SLC28A2: variants seen among roughly 807,000 people sequenced by gnomAD.
SLC28A2 encodes the protein solute carrier family 28 member 2, also known as sodium/nucleoside cotransporter 2.
A neutral mutation model predicts 72.9 loss-of-function variants in SLC28A2; 69 were observed. The observed-to-expected ratio is 0.95, with a 90% CI of 0.78 to 1.16. SLC28A2 has a LOEUF of 1.16. Ranked by LOEUF, SLC28A2 falls within the 50% of genes most tolerant of loss-of-function variation. SLC28A2 has a pLI of 0.00. For synonymous variants in SLC28A2, 296 were observed against 294.1 expected (o/e 1.01, Z -0.07); for missense variants, 745 against 791.1 (o/e 0.94, Z 0.70).
rs376585972 is a variant in SLC28A2 at position 45,272,287 on chromosome 15, G to C, written c.1649-8G>C. The C allele has an allele frequency of 1.2e-6, 2 of 1,611,570 alleles. No homozygotes were observed. Among genetic ancestry groups the C allele is most frequent in the Non-Finnish European group, 1.7e-6 (2 of 1,178,876 alleles). Reference sequence around the variant, plus strand: ...AAAGCTGAAGTTATTTTATTTTATTGTCTGCAGCATCAATAGTACCTCACC... The same window carrying C: ...AAAGCTGAAGTTATTTTATTTTATTCTCTGCAGCATCAATAGTACCTCACC... On this transcript the variant is annotated splice_region_variant and splice_polypyrimidine_tract_variant and intron_variant, in intron 15 of 17. Transcript: ENST00000347644.
intron 10 of SLC28A2, among the ~76,000 whole-genome samples, chr15:45,266,423 T>C (rs1047048454): frequency 6.6e-6 from 1 of 152,166 alleles, no homozygotes; most frequent in African/African-American, 2.4e-5. Flanking sequence ...CGTAGGAATG[T>C]AGGGAATGTC....
Position 45,275,720 on chromosome 15 carries a change from G to A in SLC28A2, c.*207G>A. The A allele has an allele frequency of 2.2e-6, 1 of 462,846 alleles. No individual in the cohort carries two copies. The highest frequency in any genetic ancestry group is 3.9e-6 in the Non-Finnish European group (1 of 257,278). The allele number at this position is 462,846 out of a possible 1,614,324, so 28.7% of individuals were successfully genotyped here. The stretch of plus-strand genomic sequence containing the variant: ...GGAGGCCGAGGCGGGCGGATCACAA[G>A]GTCAGGAGATCGAGACCATCCTGGC... On this transcript the variant is annotated 3_prime_UTR_variant, in exon 18 of 18. Transcript: ENST00000347644.
At position 45,274,747 on chromosome 15, in the gene SLC28A2, C is replaced by CT. The variant is rs775797373; in HGVS notation, c.1860-634dup. Among the ~76,000 whole-genome samples the CT allele has an allele frequency of 5.6e-3, 667 of 119,878 alleles. 3 individuals are homozygous for CT. The highest frequency in any genetic ancestry group is 0.017 in the African/African-American group (323 of 18,930). The allele number at this position is 119,878 out of a possible 152,430, so 78.6% of individuals were successfully genotyped here. On this transcript the variant is annotated intron_variant, in intron 17 of 17. Coordinates refer to ENST00000347644, the MANE Select transcript of SLC28A2 (RefSeq NM_004212.4). The stretch of plus-strand genomic sequence containing the variant: ...TTGCTCTGGCATCGTTTTGATTCTT[C>CT]TTTTTTTTTTTTTTTGAGACACAGG...
In SLC28A2 at chr15:45,269,500, G is replaced by T. The variant is rs1200608481; in HGVS notation, c.1531G>T (p.Glu511Ter). 1.9e-6 allele frequency: 3 copies of T among 1,614,178 alleles called. No homozygotes were observed. The Admixed American group carries it at 5.0e-5, about 27-fold the overall frequency. ...QYKNKRLSGM[E>*]EWIEGEKQWI... is the part of the protein sequence containing the mutation. ...CAAGAACAAACGTCTCTCTGGAATGGAGGAGTGGATTGAGGGAGAGAAACA... is the reference window on the plus strand; with the variant it reads ...CAAGAACAAACGTCTCTCTGGAATGTAGGAGTGGATTGAGGGAGAGAAACA... Residue 511 changes from glutamate to a stop codon, truncating the protein, a stop_gained, in exon 14 of 18, where the codon GAG (glutamate) becomes TAG (stop). Coordinates refer to ENST00000347644, the MANE Select transcript of SLC28A2 (RefSeq NM_004212.4). LOFTEE classifies it high-confidence loss of function.
intron 3 of SLC28A2, 32 bp downstream of exon 3, chr15:45,253,552 G>C (rs1044244772): frequency 6.6e-7 from 1 of 1,509,314 alleles, no homozygotes; most frequent in African/African-American, 1.4e-5. Flanking sequence ...GTTCAGTTAG[G>C]AAAGGATCTA....
At chr15:45,273,290 TGA>T (rs1319736852) in intron 17 of SLC28A2, among the ~76,000 whole-genome samples, 6 of 152,178 alleles carry the variant, frequency 3.9e-5, no homozygotes. Context: ...TGAAGAAAAC[TGA>T]GAGAGGATAA....
chr15:45,266,232 G>A, intron 10 of SLC28A2, 71 bp downstream of exon 10: 2 of 1,106,004 alleles, frequency 1.8e-6, no homozygotes, highest in Non-Finnish European at 1.4e-6. Flanking sequence ...ACAAGAGTAT[G>A]CTTTCCTTCT....
At chr15:45,265,468 A>G in intron 8 of SLC28A2, 115 bp from the exon 9 acceptor site, 1 of 773,430 alleles carries the variant, frequency 1.3e-6, no homozygotes, top group Non-Finnish European at 2.3e-6. Flanking sequence ...TTGTGTAGGT[A>G]CTGAATACCT....
chr15:45,274,549 T>C (rs991013876), intron 17 of SLC28A2, among the ~76,000 whole-genome samples: 15 of 152,134 alleles, frequency 9.9e-5, no homozygotes, highest in African/African-American at 3.6e-4. Context: ...AAGTGGTCTG[T>C]TCACTACATA....
intron 3 of SLC28A2, among the ~76,000 whole-genome samples, chr15:45,260,527 A>C (rs950999221): frequency 2.6e-5 from 4 of 152,150 alleles, no homozygotes; most frequent in Admixed American, 6.5e-5. Context: ...TGGAAAAATG[A>C]GGAAGGATCA....
At chr15:45,258,591 A>G (rs1900050427) in intron 3 of SLC28A2, among the ~76,000 whole-genome samples, 1 of 152,198 alleles carries the variant, frequency 6.6e-6, no homozygotes, top group Non-Finnish European at 1.5e-5. Context: ...TATACTTTAA[A>G]TGAAAATATA....
intron 8 of SLC28A2, 24 bp downstream of exon 8, chr15:45,265,190 A>C (rs531483878): frequency 1.5e-5 from 22 of 1,452,836 alleles, no homozygotes; most frequent in Non-Finnish European, 2.0e-5. Context: ...TATGGGCAGG[A>C]ATGATGGTCT....
intron 17 of SLC28A2, 23 bp from the exon 18 acceptor site, chr15:45,275,373 A>G (rs751095915): frequency 8.7e-6 from 12 of 1,384,468 alleles, no homozygotes; most frequent in Non-Finnish European, 1.1e-5. Flanking sequence ...CCCCTTATGT[A>G]CCTCTCTGGT....
intron 14 of SLC28A2, among the ~76,000 whole-genome samples, chr15:45,269,813 TG>T (rs1900489060): frequency 1.3e-5 from 2 of 152,212 alleles, no homozygotes; most frequent in African/African-American, 4.8e-5. Context: ...TCTTTACAGC[TG>T]GGGCAGTCCA....
rs1172251841 is a variant in SLC28A2 at position 45,264,014 on chromosome 15, C to T, written c.580C>T (p.His194Tyr). ...ILILFACSKH[H>Y]SAVSWRTVFS... Reference sequence around the variant, plus strand: ...TATCCTCTTTGCCTGCTCCAAACACCACAGCGCAGTGAGTTTTGGGTATTT... The same window carrying T: ...TATCCTCTTTGCCTGCTCCAAACACTACAGCGCAGTGAGTTTTGGGTATTT... Residue 194 changes from histidine (H) to tyrosine (Y), a missense_variant, in exon 6 of 18, where the codon CAC becomes TAC. Physicochemically the swap from His to Tyr is moderately conservative, Grantham distance 83. Transcript: ENST00000347644. 6.2e-7 allele frequency: 1 copy of T among 1,610,988 alleles called. No individual in the cohort carries two copies. The highest frequency in any genetic ancestry group is 1.7e-5 in the Admixed American group (1 of 59,748).
Position 45,268,296 on chromosome 15 carries a change from C to A in SLC28A2, c.1286C>A (p.Ala429Asp). The change falls in exon 13 of 18, where the codon GCC (alanine) becomes GAC (aspartate). Residue 429 changes from alanine (A) to aspartate (D), a missense_variant. Coordinates refer to ENST00000347644, the MANE Select transcript of SLC28A2 (RefSeq NM_004212.4). ...LATNVAANLI[A>D]FLAVLAFINA... ...ACTAATGTAGCAGCCAACCTGATTGCCTTTTTGGCTGTGTTGGCCTTCATC... is the reference window on the plus strand; with the variant it reads ...ACTAATGTAGCAGCCAACCTGATTGACTTTTTGGCTGTGTTGGCCTTCATC... 1 of 1,612,764 alleles carries A rather than the reference C, an allele frequency of 6.2e-7. No individual in the cohort carries two copies. Among genetic ancestry groups the A allele is most frequent in the East Asian group, 2.2e-5 (1 of 44,844 alleles).
chr15:45,259,849 G>A (rs1900097120), intron 3 of SLC28A2, among the ~76,000 whole-genome samples: 1 of 152,196 alleles, frequency 6.6e-6, no homozygotes, highest in Non-Finnish European at 1.5e-5. Context: ...TGGTCAGGAG[G>A]TGATGGAAGA....
At chr15:45,270,326 C>A in intron 15 of SLC28A2, 50 bp downstream of exon 15, 1 of 1,259,918 alleles carries the variant, frequency 7.9e-7, no homozygotes, top group Non-Finnish European at 1.2e-6. Flanking sequence ...CAGATCCCAG[C>A]TTCTGTAGTG....
At chr15:45,261,514 T>C (rs990417989) in intron 3 of SLC28A2, among the ~76,000 whole-genome samples, 1 of 152,248 alleles carries the variant, frequency 6.6e-6, no homozygotes, top group African/African-American at 2.4e-5. Context: ...CCCTACTTGC[T>C]GGGCCTCTTC....
Sources: allele counts gnomAD v4.1 joint callset (sites outside exome capture counted in the v4.1 genomes callset), GRCh38; gene constraint gnomAD v4.1.1; transcripts MANE v1.5; gene names NCBI Gene and HGNC (gene_info 2026-07-23, HGNC 2026-07-21).